Variants in RGS10 observed in about 807,000 individuals in gnomAD.
The protein encoded by RGS10 is regulator of G protein signaling 10, also known as regulator of G-protein signalling 10.
Under a neutral mutation model 23.5 loss-of-function variants are expected in RGS10, and 11 were observed. The ratio of observed to expected loss-of-function variants is 0.47; its 90% CI spans 0.29 to 0.77. The LOEUF (loss-of-function observed/expected upper bound fraction) is 0.77, where lower values mean the gene tolerates loss of function less well. Ranked by LOEUF, RGS10 falls within the 30% of genes least tolerant of loss-of-function variation. The pLI is 0.08. For synonymous variants in RGS10, 77 were observed against 83.2 expected (o/e 0.92, Z 0.41); for missense variants, 180 against 226.3 (o/e 0.80, Z 1.31).
chr10:119,518,538 C>G (rs779207908), intron 3 of RGS10, among the ~76,000 whole-genome samples: 3 of 152,122 alleles, frequency 2.0e-5, no homozygotes, highest in Non-Finnish European at 4.4e-5. Flanking sequence ...CCCAGAAGTG[C>G]ACCTCTATGC....
At chr10:119,539,495 T>C (rs1246828457) in intron 1 of RGS10, among the ~76,000 whole-genome samples, 1 of 152,082 alleles carries the variant, frequency 6.6e-6, no homozygotes, top group Non-Finnish European at 1.5e-5. Flanking sequence ...CTATCAACAA[T>C]GCAAGGTTGA....
intron 4 of RGS10, among the ~76,000 whole-genome samples, chr10:119,509,970 G>A (rs1041636638): frequency 2.0e-5 from 3 of 151,900 alleles, no homozygotes; most frequent in African/African-American, 7.3e-5. Context: ...GGGGGAGAGG[G>A]GAGGGGCAGA....
intron 4 of RGS10, among the ~76,000 whole-genome samples, chr10:119,509,726 C>T (rs958386298): frequency 1.3e-5 from 2 of 152,138 alleles, no homozygotes; most frequent in African/African-American, 2.4e-5. Flanking sequence ...TGCTTGGCAG[C>T]GCAGCTCAGA....
At chr10:119,528,562 T>G (rs1844302509) in intron 1 of RGS10, among the ~76,000 whole-genome samples, 1 of 152,148 alleles carries the variant, frequency 6.6e-6, no homozygotes, top group Non-Finnish European at 1.5e-5. Flanking sequence ...AACACTGCAT[T>G]AAATATCATT....
intron 4 of RGS10, among the ~76,000 whole-genome samples, chr10:119,501,438 G>A (rs1000803151): frequency 4.6e-5 from 7 of 152,128 alleles, no homozygotes; most frequent in Non-Finnish European, 8.8e-5. Flanking sequence ...AAACATCTGA[G>A]GGTGCTGGGG....
chr10:119,519,431 C>A (rs1268666559), intron 3 of RGS10, among the ~76,000 whole-genome samples: 1 of 144,824 alleles, frequency 6.9e-6, no homozygotes, highest in Non-Finnish European at 1.5e-5. Context: ...CAGCTTCTGT[C>A]TCCCTGTCTG....
chr10:119,522,881 CTT>C (rs35536168), intron 3 of RGS10, among the ~76,000 whole-genome samples: 2 of 147,812 alleles, frequency 1.4e-5, no homozygotes, highest in African/African-American at 5.0e-5. Context: ...GCTCTGAATT[CTT>C]TTTTTTTTTG....
At chr10:119,505,098 A>C (rs1385132071) in intron 4 of RGS10, among the ~76,000 whole-genome samples, 1 of 152,024 alleles carries the variant, frequency 6.6e-6, no homozygotes, top group Non-Finnish European at 1.5e-5. Flanking sequence ...TGAGGGGGAG[A>C]CATGACCTCA....
At chr10:119,506,640 C>T (rs942326742) in intron 4 of RGS10, among the ~76,000 whole-genome samples, 8 of 152,222 alleles carry the variant, frequency 5.3e-5, no homozygotes, top group Admixed American at 2.0e-4. Context: ...CTTTTGCCAT[C>T]GGAAGGGGAG....
At chr10:119,540,035 C>T (rs752140209) in intron 1 of RGS10, among the ~76,000 whole-genome samples, 4 of 151,992 alleles carry the variant, frequency 2.6e-5, no homozygotes, top group Non-Finnish European at 5.9e-5. Flanking sequence ...CCCACAGGCC[C>T]AAATGACCCC....
chr10:119,502,673 G>A (rs991459762), intron 4 of RGS10, among the ~76,000 whole-genome samples: 2 of 152,178 alleles, frequency 1.3e-5, no homozygotes, highest in African/African-American at 2.4e-5. Context: ...ACTCGACCCC[G>A]AGATCCCGAG....
chr10:119,526,301 A>G (rs1844272172), intron 2 of RGS10, among the ~76,000 whole-genome samples, 183 bp from the exon 3 acceptor site: 2 of 152,262 alleles, frequency 1.3e-5, no homozygotes, highest in African/African-American at 4.8e-5. Flanking sequence ...ATAATTTCAT[A>G]TGCATTTGAC....
intron 4 of RGS10, among the ~76,000 whole-genome samples, chr10:119,514,474 A>T (rs950620946): frequency 6.6e-6 from 1 of 152,106 alleles, no homozygotes; most frequent in Non-Finnish European, 1.5e-5. Context: ...CCTAGTCAAC[A>T]TGGTGAAACC....
chr10:119,501,485 G>A (rs185909710), intron 4 of RGS10, among the ~76,000 whole-genome samples: 20 of 152,320 alleles, frequency 1.3e-4, no homozygotes, highest in Admixed American at 1.1e-3. Flanking sequence ...CACTTTGGGA[G>A]GTGGAGGCAG....
Position 119,515,661 on chromosome 10 carries a change from G to C in RGS10, c.256-9C>G, listed in dbSNP as rs1162302444. ...TTTGCCTTTTCCTGCATCTGGAGGA[G>C]ACAGATGGGGCCTTGTGCTATCTGC... is the stretch of plus-strand genomic sequence containing the variant. On this transcript the variant is annotated splice_polypyrimidine_tract_variant and intron_variant, in intron 3 of 4. Coordinates refer to ENST00000369103, the MANE Select transcript of RGS10 (RefSeq NM_001005339.2). 1 of 1,613,840 alleles carries C rather than the reference G, an allele frequency of 6.2e-7. No homozygotes were observed. Among genetic ancestry groups the C allele is most frequent in the South Asian group, 1.1e-5 (1 of 91,066 alleles).
At chr10:119,510,880 G>C (rs1401977369) in intron 4 of RGS10, among the ~76,000 whole-genome samples, 3 of 151,834 alleles carry the variant, frequency 2.0e-5, no homozygotes, top group Non-Finnish European at 4.4e-5. Flanking sequence ...CACCACACTT[G>C]GCTAATTTTT....
intron 4 of RGS10, among the ~76,000 whole-genome samples, chr10:119,508,093 G>A (rs1393342414): frequency 1.4e-4 from 21 of 152,088 alleles, no homozygotes; most frequent in Non-Finnish European, 3.1e-4. Flanking sequence ...CACCTCCCGG[G>A]TTCAAGCGAT....
intron 1 of RGS10, among the ~76,000 whole-genome samples, chr10:119,529,691 A>G (rs1844313876): frequency 6.6e-6 from 1 of 152,166 alleles, no homozygotes; most frequent in Admixed American, 6.5e-5. Context: ...CAAGCAAACT[A>G]CTTCTATAAC....
In RGS10 at chr10:119,527,805, C is replaced by T. The variant is rs1844292629; in HGVS notation, c.50-381G>A. 6.6e-6 allele frequency among the ~76,000 whole-genome samples: 1 copy of T among 152,166 alleles called. No homozygotes were observed. Reference sequence around the variant, plus strand: ...CTGCTTCCCCATGGCGCTTTGTGCACAGACTTAGAATTATGGTGCTGTGTT... The same window carrying T: ...CTGCTTCCCCATGGCGCTTTGTGCATAGACTTAGAATTATGGTGCTGTGTT... On this transcript the variant is annotated intron_variant, in intron 1 of 4. Coordinates refer to ENST00000369103, the MANE Select transcript of RGS10 (RefSeq NM_001005339.2). The surrounding 1 kb of genome is among the most constrained non-coding windows in gnomAD (Gnocchi z 4.2).
Sources: allele counts gnomAD v4.1 joint callset (sites outside exome capture counted in the v4.1 genomes callset), GRCh38; gene constraint gnomAD v4.1.1; non-coding constraint Gnocchi (gnomAD v3.1); transcripts MANE v1.5; gene names NCBI Gene and HGNC (gene_info 2026-07-23, HGNC 2026-07-21).